Variants in SPECC1L observed in about 807,000 individuals in gnomAD.
SPECC1L encodes the protein sperm antigen with calponin homology and coiled-coil domains 1 like, also known as cytospin-A.
SPECC1L carries 40 observed loss-of-function variants against 116.8 expected under a neutral mutation model. The ratio of observed to expected loss-of-function variants is 0.34; its 90% confidence interval spans 0.27 to 0.45. The LOEUF is 0.45. Among genes scored for constraint, SPECC1L ranks in the 20% least tolerant of loss-of-function variants. The pLI, the probability that SPECC1L is intolerant of heterozygous loss-of-function variation, is 1.00. For synonymous variants in SPECC1L, 504 were observed against 500.6 expected (o/e 1.01, Z -0.09); for missense variants, 1,110 against 1,373.6 (o/e 0.81, Z 3.03).
intron 14 of SPECC1L, among the ~76,000 whole-genome samples, chr22:24,388,863 C>G (rs1418566928): frequency 6.6e-6 from 1 of 152,134 alleles, no homozygotes. Flanking sequence ...TACCATACAA[C>G]TCACCAAGTT....
At chr22:24,414,282 T>G (rs566528657) in intron 16 of SPECC1L, among the ~76,000 whole-genome samples, 12 of 152,288 alleles carry the variant, frequency 7.9e-5, no homozygotes, top group African/African-American at 2.9e-4. Context: ...GATGAAACCC[T>G]TCCCATCCTG....
chr22:24,300,339 A>G (rs878888307), intron 2 of SPECC1L, among the ~76,000 whole-genome samples: 22 of 152,174 alleles, frequency 1.4e-4, no homozygotes, highest in African/African-American at 4.6e-4. Context: ...ATAGTATTCC[A>G]TGGTGTATAT....
At chr22:24,339,349 G>C (rs2041124599) in intron 10 of SPECC1L, among the ~76,000 whole-genome samples, 2 of 152,206 alleles carry the variant, frequency 1.3e-5, no homozygotes, top group Admixed American at 6.5e-5. Context: ...GGGTGCACAA[G>C]GCATGAATTC....
chr22:24,312,884 T>G (rs2040489219), intron 3 of SPECC1L, among the ~76,000 whole-genome samples: 1 of 152,214 alleles, frequency 6.6e-6, no homozygotes, highest in East Asian at 1.9e-4. Context: ...AATTTCAGAA[T>G]AAATTCTTTT....
chr22:24,283,337 CA>C (rs912014650), intron 2 of SPECC1L, among the ~76,000 whole-genome samples: 1 of 152,252 alleles, frequency 6.6e-6, no homozygotes, highest in Admixed American at 6.5e-5. Context: ...CTCGGCCTCC[CA>C]AAGTGCTGGG....
At chr22:24,388,095 ATTATAC>A (rs932517742) in intron 14 of SPECC1L, among the ~76,000 whole-genome samples, 2 of 151,890 alleles carry the variant, frequency 1.3e-5, no homozygotes, top group African/African-American at 4.8e-5. Flanking sequence ...TATTATTATT[ATTATAC>A]TTTAAGTTTT....
intron 1 of SPECC1L, among the ~76,000 whole-genome samples, chr22:24,272,718 C>G (rs1569397203): frequency 1.3e-5 from 2 of 150,522 alleles, no homozygotes; most frequent in African/African-American, 4.9e-5. Context: ...GTAAAATAAC[C>G]AAACCAACAT....
chr22:24,291,491 T>C (rs1368120011), intron 2 of SPECC1L, among the ~76,000 whole-genome samples: 5 of 147,376 alleles, frequency 3.4e-5, no homozygotes, highest in Non-Finnish European at 6.1e-5. Flanking sequence ...CTGTGGGCCA[T>C]GGTATATAAT....
chr22:24,346,749 A>C (rs2041304413), intron 10 of SPECC1L, among the ~76,000 whole-genome samples: 1 of 152,182 alleles, frequency 6.6e-6, no homozygotes, highest in Non-Finnish European at 1.5e-5. Flanking sequence ...GATAATGACT[A>C]TATCAGTATT....
intron 14 of SPECC1L, among the ~76,000 whole-genome samples, chr22:24,375,241 C>T (rs1038576143): frequency 6.6e-6 from 1 of 152,078 alleles, no homozygotes; most frequent in Non-Finnish European, 1.5e-5. Flanking sequence ...TTAATTCTTC[C>T]AAATTTTAAA....
intron 4 of SPECC1L, among the ~76,000 whole-genome samples, chr22:24,314,024 A>G (rs1444362035): frequency 1.3e-5 from 2 of 151,958 alleles, no homozygotes; most frequent in Admixed American, 6.6e-5. Context: ...GGCATGAGCC[A>G]CTACACCTGG....
At chr22:24,279,752 T>C (rs565799466) in intron 2 of SPECC1L, among the ~76,000 whole-genome samples, 1 of 151,832 alleles carries the variant, frequency 6.6e-6, no homozygotes, top group Non-Finnish European at 1.5e-5. Context: ...CCGGCTAATT[T>C]TTTGTATTTT....
chr22:24,346,680 A>G (rs1360604893), intron 10 of SPECC1L, among the ~76,000 whole-genome samples: 2 of 152,146 alleles, frequency 1.3e-5, no homozygotes, highest in Non-Finnish European at 2.9e-5. Flanking sequence ...AAGGATCCTT[A>G]TGGTGATGGA....
intron 4 of SPECC1L, among the ~76,000 whole-genome samples, chr22:24,316,452 T>A (rs2040567861): frequency 6.6e-6 from 1 of 151,168 alleles, no homozygotes; most frequent in Non-Finnish European, 1.5e-5. Context: ...TGTCCCTGGG[T>A]ACTTGAGATT....
At chr22:24,273,845 G>A (rs749588543) in intron 1 of SPECC1L, among the ~76,000 whole-genome samples, 1 of 152,160 alleles carries the variant, frequency 6.6e-6, no homozygotes, top group Non-Finnish European at 1.5e-5. Flanking sequence ...CGCAACCTAC[G>A]CCTCCCAGGT....
At position 24,295,902 on chromosome 22, in the gene SPECC1L, C is replaced by G. The variant is rs570416839; in HGVS notation, c.-37-6293C>G. 2.3e-4 allele frequency among the ~76,000 whole-genome samples: 35 copies of G among 152,208 alleles called. 1 individual carries two copies. In the South Asian group the frequency reaches 6.4e-3, roughly 28 times the overall value. ...GGCAGATGTTGCAGTGAGCCAAGGT[C>G]GTGCCGTCGCACTCCAGACTGGGGG... On this transcript the variant is annotated intron_variant, in intron 2 of 16. Coordinates refer to ENST00000314328, the MANE Select transcript of SPECC1L (RefSeq NM_015330.6).
At chr22:24,369,742 T>C (rs1042256363) in intron 14 of SPECC1L, among the ~76,000 whole-genome samples, 1 of 152,254 alleles carries the variant, frequency 6.6e-6, no homozygotes, top group Admixed American at 6.5e-5. Context: ...GAAATAAGTT[T>C]GTTACCTTTC....
intron 2 of SPECC1L, among the ~76,000 whole-genome samples, chr22:24,299,924 T>C (rs1167858373): frequency 6.6e-6 from 1 of 152,242 alleles, no homozygotes. Flanking sequence ...ACTTATATTC[T>C]TTTTATCTCT....
chr22:24,373,627 A>C (rs1179569803), intron 14 of SPECC1L, among the ~76,000 whole-genome samples: 1 of 152,262 alleles, frequency 6.6e-6, no homozygotes, highest in Admixed American at 6.5e-5. Context: ...AATTAATTCA[A>C]GATGGATTAA....
Sources: gnomAD v4.1 joint callset for allele counts (sites outside exome capture counted in the v4.1 genomes callset) on GRCh38, gnomAD v4.1.1 for gene constraint, MANE v1.5 for transcripts, NCBI Gene and HGNC (gene_info 2026-07-23, HGNC 2026-07-21) for gene names.